The following FGFR1OP2 variants were observed in gnomAD, a reference collection of about 807,000 sequenced individuals.
The protein encoded by FGFR1OP2 is fibroblast growth factor receptor 1 oncogene partner 2.
In FGFR1OP2, 17 loss-of-function variants were observed where a neutral mutation model predicts 35.2. The ratio of observed to expected loss-of-function variants is 0.48; its 90% CI spans 0.33 to 0.73. FGFR1OP2 has a LOEUF of 0.73. Ranked by LOEUF, FGFR1OP2 falls within the 30% of genes least tolerant of loss-of-function variation. The probability of loss-of-function intolerance (pLI) is 0.02; values close to 1 mark genes in which losing one functional copy is unlikely to be tolerated. For synonymous variants in FGFR1OP2, 105 were observed against 104.6 expected (o/e 1.00, Z -0.03); for missense variants, 251 against 307.3 (o/e 0.82, Z 1.37).
At chr12:26,963,159 C>A (rs748960301) in intron 5 of FGFR1OP2, 183 bp from the exon 6 acceptor site, 37 of 458,298 alleles carry the variant, frequency 8.1e-5, no homozygotes, top group Non-Finnish European at 1.3e-4. Flanking sequence ...CTAGTCCTAA[C>A]AAATTTGATT....
chr12:26,953,256 A>C (rs947844907), intron 1 of FGFR1OP2, among the ~76,000 whole-genome samples: 10 of 123,524 alleles, frequency 8.1e-5, no homozygotes, highest in Admixed American at 5.6e-4. Flanking sequence ...CGACAGAGCG[A>C]GACTGTGTCT....
At chr12:26,949,446 A>T (rs746409920) in intron 1 of FGFR1OP2, among the ~76,000 whole-genome samples, 35 of 151,868 alleles carry the variant, frequency 2.3e-4, no homozygotes, top group Admixed American at 1.3e-4. Flanking sequence ...GTTTTTCCAG[A>T]TTAATTTATT....
rs2136355629 is a variant in FGFR1OP2, at chr12:26,954,156, GA to G, written c.1del. ...AATTTTAATTATAGATATATCTTTA[GA>G]AATGAGTTGCACAATTGAGAAGGCA... On this transcript the variant is annotated 5_prime_UTR_variant, in exon 2 of 7. Transcript: ENST00000229395. 6.3e-7 allele frequency: 1 copy of G among 1,584,216 alleles called. No individual in the cohort carries two copies. Among genetic ancestry groups the G allele is most frequent in the Non-Finnish European group, 8.6e-7 (1 of 1,167,230 alleles).
rs146421693 is a variant in FGFR1OP2 at position 26,949,703 on chromosome 12, C to T, written c.-14-4442C>T. Among the ~76,000 whole-genome samples the T allele has an allele frequency of 3.3e-3, 507 of 152,002 alleles. 6 individuals are homozygous for T. Among genetic ancestry groups the T allele is most frequent in the African/African-American group, 0.012 (485 of 41,440 alleles). ...AAGCGATTCTCCTGTCTCAGCTTCC[C>T]GAGTAGCTGGGATTACAGGCGCATG... is the stretch of plus-strand genomic sequence containing the variant. On this transcript the variant is annotated intron_variant, in intron 1 of 6. Coordinates refer to ENST00000229395, the MANE Select transcript of FGFR1OP2 (RefSeq NM_015633.3).
intron 1 of FGFR1OP2, among the ~76,000 whole-genome samples, chr12:26,939,922 T>C (rs1938700030): frequency 6.6e-6 from 1 of 152,248 alleles, no homozygotes; most frequent in South Asian, 2.1e-4. Flanking sequence ...ACTCTGTACA[T>C]TAGCTTAAAG....
intron 5 of FGFR1OP2, chr12:26,961,906 T>C (rs1939110847): frequency 2.6e-5 from 4 of 152,244 alleles, no homozygotes; most frequent in Non-Finnish European, 5.9e-5. Context: ...TTACATATTA[T>C]GCTTCCTTGA....
intron 6 of FGFR1OP2, among the ~76,000 whole-genome samples, chr12:26,964,172 A>G (rs754318332): frequency 1.6e-4 from 24 of 152,148 alleles, no homozygotes; most frequent in Non-Finnish European, 3.1e-4. Context: ...TCAAATGCCA[A>G]TGAGCTAAAC....
Position 26,954,126 on chromosome 12 carries a change from AT to A in FGFR1OP2, c.-14-15del, listed in dbSNP as rs975199675. 2 of 1,521,972 alleles carry A rather than the reference AT, an allele frequency of 1.3e-6. No individual in the cohort carries two copies. The highest frequency in any genetic ancestry group is 2.8e-5 in the African/African-American group (2 of 70,542). 94.3% of individuals were successfully genotyped at this position (1,521,972 alleles called of 1,614,324 possible). ...TATGTTGACTTTATTTTGAGTCTTG[AT>A]TTTAATTTTAATTATAGATATATCT... On this transcript the variant is annotated intron_variant, in intron 1 of 6. Coordinates refer to ENST00000229395, the MANE Select transcript of FGFR1OP2 (RefSeq NM_015633.3).
At chr12:26,943,227 T>C (rs1216275936) in intron 1 of FGFR1OP2, among the ~76,000 whole-genome samples, 3 of 152,214 alleles carry the variant, frequency 2.0e-5, no homozygotes, top group Admixed American at 1.3e-4. Context: ...GACTTGCCTT[T>C]GCACCTTTTT....
chr12:26,942,317 C>T (rs1442546489), intron 1 of FGFR1OP2, among the ~76,000 whole-genome samples: 1 of 152,212 alleles, frequency 6.6e-6, no homozygotes, highest in Non-Finnish European at 1.5e-5. Flanking sequence ...AGGCGTGAGC[C>T]ACTCAGCTTT....
intron 1 of FGFR1OP2, among the ~76,000 whole-genome samples, chr12:26,941,646 G>A (rs1165412248): frequency 1.3e-5 from 2 of 152,200 alleles, no homozygotes; most frequent in Admixed American, 6.5e-5. Flanking sequence ...ACTTTAAAAA[G>A]CCAATCAGTA....
At chr12:26,954,610 T>G (rs1938990168) in intron 2 of FGFR1OP2, among the ~76,000 whole-genome samples, 1 of 152,230 alleles carries the variant, frequency 6.6e-6, no homozygotes. Context: ...GTACACATTT[T>G]GTTCTGTCTT....
In FGFR1OP2 at chr12:26,964,761, C is replaced by T. The variant is rs772643690; in HGVS notation, c.*28C>T. On this transcript the variant is annotated 3_prime_UTR_variant, in exon 7 of 7. Transcript: ENST00000229395. ...AGTTTCTGAGTCTGTGAGCTTCTTA[C>T]ATGGCTCCAAATGGTCAAATAAGTG... The T allele has an allele frequency of 6.2e-7, 1 of 1,600,962 alleles. No homozygotes were observed. The highest frequency in any genetic ancestry group is 2.2e-5 in the East Asian group (1 of 44,688).
At chr12:26,955,581 C>T (rs781611824) in intron 2 of FGFR1OP2, among the ~76,000 whole-genome samples, 10 of 152,068 alleles carry the variant, frequency 6.6e-5, no homozygotes, top group Admixed American at 1.3e-4. Context: ...ATAAAATATG[C>T]GGCTTTTTGT....
intron 1 of FGFR1OP2, among the ~76,000 whole-genome samples, chr12:26,946,471 C>T (rs573843732): frequency 5.4e-4 from 82 of 152,144 alleles, no homozygotes; most frequent in African/African-American, 1.9e-3. Context: ...CCACCACGCC[C>T]GGTTAATTTT....
chr12:26,957,743 G>A lies in FGFR1OP2; in HGVS notation c.396G>A (p.Lys132=). ...IIMKLKEQHS[K]IDMVHRNKSE... is the part of the protein sequence containing the mutation. ...TGAAGTTAAAAGAGCAGCACTCCAAGGTAATCCATTCTATAAATGTGACCT... is the reference window on the plus strand; with the variant it reads ...TGAAGTTAAAAGAGCAGCACTCCAAAGTAATCCATTCTATAAATGTGACCT... Residue 132 remains lysine, a splice_region_variant and synonymous_variant, in exon 4 of 7, where the codon AAG becomes AAA. Coordinates refer to ENST00000229395, the MANE Select transcript of FGFR1OP2 (RefSeq NM_015633.3). The A allele has an allele frequency of 6.2e-7, 1 of 1,609,276 alleles. No individual in the cohort carries two copies.
intron 1 of FGFR1OP2, among the ~76,000 whole-genome samples, chr12:26,950,742 C>A (rs1938914807): frequency 6.6e-6 from 1 of 152,156 alleles, no homozygotes; most frequent in African/African-American, 2.4e-5. Context: ...TGTTGCATAT[C>A]AAGCCTGATA....
At chr12:26,962,091 G>A (rs1939112964) in intron 5 of FGFR1OP2, 1 of 152,182 alleles carries the variant, frequency 6.6e-6, no homozygotes, top group African/African-American at 2.4e-5. Flanking sequence ...TGGCTGTTGA[G>A]CACTTGCAGT....
chr12:26,956,604 T>C lies in FGFR1OP2; in HGVS notation c.197T>C (p.Val66Ala). 1.9e-6 allele frequency: 3 copies of C among 1,606,538 alleles called. No individual in the cohort carries two copies. The highest frequency in any genetic ancestry group is 2.5e-6 in the Non-Finnish European group (3 of 1,176,736). Residue 66 changes from valine to alanine, a missense_variant, in exon 3 of 7, where the codon GTT becomes GCT. By Grantham distance (64) the Val-to-Ala change is moderately conservative. Transcript: ENST00000229395. ...VARHRPRSTL[V>A]MGIQQENRQI... ...AGACATCGGCCACGGTCCACGTTAGTTATGGGAATCCAGCAAGAAAACAGA... is the reference window on the plus strand; with the variant it reads ...AGACATCGGCCACGGTCCACGTTAGCTATGGGAATCCAGCAAGAAAACAGA...
Sources: allele counts gnomAD v4.1 joint callset (sites outside exome capture counted in the v4.1 genomes callset), GRCh38; gene constraint gnomAD v4.1.1; transcripts MANE v1.5; gene names NCBI Gene and HGNC (gene_info 2026-07-23, HGNC 2026-07-21).